ARHGAP35: variants seen among roughly 807,000 people sequenced by gnomAD.
ARHGAP35 encodes Rho GTPase activating protein 35, also known as rho GTPase-activating protein 35.
Under a neutral mutation model 111.1 loss-of-function variants are expected in ARHGAP35, and 15 were observed. The observed-to-expected ratio is 0.13, with a 90% CI of 0.09 to 0.21. ARHGAP35 has a LOEUF of 0.21. ARHGAP35 is among the 10% of genes least tolerant of loss of function. The pLI is 1.00. For synonymous variants in ARHGAP35, 643 were observed against 710.3 expected (o/e 0.91, Z 1.51); for missense variants, 1,262 against 1,873.0 (o/e 0.67, Z 6.02).
At chr19:46,975,488 G>T (rs188117510) in intron 3 of ARHGAP35, among the ~76,000 whole-genome samples, 1 of 152,160 alleles carries the variant, frequency 6.6e-6, no homozygotes, top group Non-Finnish European at 1.5e-5. Context: ...CCTGTGTGGG[G>T]CTTGTTCTTC....
chr19:46,958,130 TC>T (rs1343193103), intron 3 of ARHGAP35, among the ~76,000 whole-genome samples: 2 of 152,088 alleles, frequency 1.3e-5, no homozygotes, highest in African/African-American at 4.8e-5. Flanking sequence ...AAGCCTGTAA[TC>T]CCAGCACTTT....
intron 3 of ARHGAP35, among the ~76,000 whole-genome samples, chr19:46,987,514 C>G (rs1188072457): frequency 6.6e-6 from 1 of 152,148 alleles, no homozygotes; most frequent in Non-Finnish European, 1.5e-5. Flanking sequence ...CGCTCCCAGC[C>G]AACCCTGTAT....
chr19:46,979,562 G>A (rs1194400514), intron 3 of ARHGAP35, among the ~76,000 whole-genome samples: 1 of 152,202 alleles, frequency 6.6e-6, no homozygotes, highest in African/African-American at 2.4e-5. Context: ...CCTACTTGAC[G>A]GTTCATGGCA....
chr19:46,879,587 A>AAAATAAATAAATAAATAAATAAAT (rs376342193), intron 1 of ARHGAP35, among the ~76,000 whole-genome samples: 6,925 of 87,526 alleles, frequency 0.079, 397 homozygotes, highest in Admixed American at 0.088. Context: ...ACTCCATCTC[A>AAAATAAATAAATAAATAAATAAAT]AAATAAATAA....
Position 46,938,662 on chromosome 19 carries a change from A to AT in ARHGAP35, c.3826+1268dup, listed in dbSNP as rs113282154. 6.3e-3 allele frequency among the ~76,000 whole-genome samples: 723 copies of AT among 114,938 alleles called. 3 individuals carry two copies. Among genetic ancestry groups the AT allele is most frequent in the African/African-American group, 0.016 (486 of 29,978 alleles). 75.4% of individuals were successfully genotyped at this position (114,938 alleles called of 152,430 possible). On this transcript the variant is annotated intron_variant, in intron 3 of 6. Coordinates refer to ENST00000672722, the MANE Select transcript of ARHGAP35 (RefSeq NM_004491.5). ...GTTACGGTGCCCAGCCGAAGATAGC[A>AT]TTTTTTTTTTTTTTGAGATGGAGTC...
At chr19:46,911,872 T>C (rs1451794288) in intron 1 of ARHGAP35, among the ~76,000 whole-genome samples, 1 of 152,204 alleles carries the variant, frequency 6.6e-6, no homozygotes, top group African/African-American at 2.4e-5. Context: ...GACCTTGAAC[T>C]CTATTTCCAA....
At position 46,993,786 on chromosome 19, in the gene ARHGAP35, G is replaced by A. The variant is rs992697917; in HGVS notation, c.4036+4111G>A. Reference sequence around the variant, plus strand: ...AGCCCACGCCCCCTGAGCAAGAGCAGAGCCACCTGGAGCCAAGCCAAGCAA... The same window carrying A: ...AGCCCACGCCCCCTGAGCAAGAGCAAAGCCACCTGGAGCCAAGCCAAGCAA... On this transcript the variant is annotated intron_variant, in intron 5 of 6. Coordinates refer to ENST00000672722, the MANE Select transcript of ARHGAP35 (RefSeq NM_004491.5). The surrounding 1 kb of genome is among the most constrained non-coding windows in gnomAD (Gnocchi z 4.6). Among the ~76,000 whole-genome samples, 2 of 151,952 alleles carry A rather than the reference G, an allele frequency of 1.3e-5. No individual in the cohort carries two copies. The highest frequency in any genetic ancestry group is 1.5e-5 in the Non-Finnish European group (1 of 67,982).
At chr19:46,888,298 ATATATATATATATATATAT>A (rs2056004845) in intron 1 of ARHGAP35, among the ~76,000 whole-genome samples, 4 of 66,592 alleles carry the variant, frequency 6.0e-5, no homozygotes, top group Non-Finnish European at 8.3e-5. Context: ...ATATATATAT[ATATATATATATATATATAT>A]AAAATATTGA....
intron 1 of ARHGAP35, among the ~76,000 whole-genome samples, chr19:46,892,646 CT>C (rs10711524): frequency 0.53 from 70,720 of 132,522 alleles, 18,491 homozygotes; most frequent in Middle Eastern, 0.71. Context: ...TTGTTGGCTG[CT>C]TTTTTTTTTT....
intron 5 of ARHGAP35, among the ~76,000 whole-genome samples, chr19:46,991,636 G>T (rs1415961848): frequency 6.6e-6 from 1 of 152,208 alleles, no homozygotes; most frequent in South Asian, 2.1e-4. Flanking sequence ...GAACCTGACC[G>T]AAGCGGGTGG....
intron 1 of ARHGAP35, among the ~76,000 whole-genome samples, chr19:46,873,129 C>T (rs8106478): frequency 0.52 from 79,081 of 151,726 alleles, 21,211 homozygotes; most frequent in Middle Eastern, 0.7. Flanking sequence ...CTTCTCTGGC[C>T]GACTTTACAG....
rs1196427051 is a variant in ARHGAP35 at position 47,000,957 on chromosome 19, C to G, written c.*269C>G. 1 of 1,515,974 alleles carries G rather than the reference C, an allele frequency of 6.6e-7. No homozygotes were observed. Among genetic ancestry groups the G allele is most frequent in the Non-Finnish European group, 8.8e-7 (1 of 1,134,206 alleles). The allele number at this position is 1,515,974 out of a possible 1,614,324, so 93.9% of individuals were successfully genotyped here. A position where few individuals can be genotyped will look rare whatever the true frequency, so the allele number is the denominator to read the frequency against. On this transcript the variant is annotated 3_prime_UTR_variant, in exon 7 of 7. Transcript: ENST00000672722. This position sits in a 1 kb window ranked among gnomAD's most constrained non-coding sequence, Gnocchi z 6.9. ...ATGGCTCCAGTGCCCTCCCTCTGTT[C>G]CCTGGACCACCACCCCACGTAGCTG...
chr19:46,919,528 G>C lies in ARHGAP35; in HGVS notation c.853G>C (p.Val285Leu). 1 of 1,613,926 alleles carries C rather than the reference G, an allele frequency of 6.2e-7. No individual in the cohort carries two copies. ...DKYEWLVSRIVKNHNENWLSV... is the reference protein window; with the variant it reads ...DKYEWLVSRILKNHNENWLSV... ...GTATGAGTGGCTGGTGAGTCGCATT[G>C]TGAAAAACCACAATGAGAACTGGCT... is the stretch of plus-strand genomic sequence containing the variant. Residue 285 changes from valine (V) to leucine (L), a missense_variant, in exon 2 of 7, where the codon GTG becomes CTG. Physicochemically the swap from Val to Leu is conservative, Grantham distance 32 (BLOSUM62 1). Coordinates refer to ENST00000672722, the MANE Select transcript of ARHGAP35 (RefSeq NM_004491.5). The surrounding 1 kb of genome is among the most constrained non-coding windows in gnomAD (Gnocchi z 6.2).
intron 3 of ARHGAP35, among the ~76,000 whole-genome samples, chr19:46,985,683 A>C (rs1174890463): frequency 6.6e-6 from 1 of 152,054 alleles, no homozygotes; most frequent in African/African-American, 2.4e-5. Flanking sequence ...GCGTGTGACC[A>C]CTCTGATATG....
intron 3 of ARHGAP35, among the ~76,000 whole-genome samples, chr19:46,967,764 GCA>G (rs1475285843): frequency 6.6e-6 from 1 of 152,122 alleles, no homozygotes; most frequent in Non-Finnish European, 1.5e-5. Flanking sequence ...TTAAAACTAC[GCA>G]CAGTTCCTTA....
chr19:46,968,043 G>A (rs940002494), intron 3 of ARHGAP35, among the ~76,000 whole-genome samples: 2 of 152,146 alleles, frequency 1.3e-5, no homozygotes, highest in African/African-American at 2.4e-5. Flanking sequence ...GGAAGGGACC[G>A]GGTCATCTTC....
chr19:46,886,761 T>C (rs1046283060), intron 1 of ARHGAP35, among the ~76,000 whole-genome samples: 4 of 143,300 alleles, frequency 2.8e-5, no homozygotes, highest in Non-Finnish European at 6.2e-5. Flanking sequence ...ATTGAATTTC[T>C]ATCCTAATGC....
intron 2 of ARHGAP35, among the ~76,000 whole-genome samples, chr19:46,925,388 C>T: frequency 6.6e-6 from 1 of 152,186 alleles, no homozygotes; most frequent in East Asian, 1.9e-4. Flanking sequence ...GAGAGAAGGG[C>T]CAAGCCAACC....
At chr19:46,936,319 C>T (rs987422841) in intron 2 of ARHGAP35, among the ~76,000 whole-genome samples, 1 of 152,142 alleles carries the variant, frequency 6.6e-6, no homozygotes, top group Non-Finnish European at 1.5e-5. Context: ...GTTGCTGCTG[C>T]TACTGCTGCT....
Sources: allele counts gnomAD v4.1 joint callset (sites outside exome capture counted in the v4.1 genomes callset), GRCh38; gene constraint gnomAD v4.1.1; non-coding constraint Gnocchi (gnomAD v3.1); transcripts MANE v1.5; gene names NCBI Gene and HGNC (gene_info 2026-07-23, HGNC 2026-07-21).